The following APP variants were observed in gnomAD, a reference collection of about 807,000 sequenced individuals.
APP encodes the protein amyloid-beta precursor protein.
APP carries 31 observed loss-of-function variants against 101.4 expected under a neutral mutation model. The observed-to-expected ratio is 0.31, with a 90% CI of 0.23 to 0.41. The LOEUF is 0.41. APP is among the 10% of genes least tolerant of loss of function. The probability of loss-of-function intolerance (pLI) is 1.00; values close to 1 mark genes in which losing one functional copy is unlikely to be tolerated. For missense variants in APP, 839 were observed against 1,003.7 expected (o/e 0.84, Z 2.22); for synonymous variants, 366 against 364.4 (o/e 1.00, Z -0.05).
chr21:26,154,148 G>T (rs2063330452), intron 1 of APP, among the ~76,000 whole-genome samples: 1 of 152,200 alleles, frequency 6.6e-6, no homozygotes, highest in Admixed American at 6.5e-5. Context: ...GTGTAACTGG[G>T]TAAGAACTAT....
At chr21:26,026,043 A>G (rs768746163) in intron 5 of APP, among the ~76,000 whole-genome samples, 1 of 152,272 alleles carries the variant, frequency 6.6e-6, no homozygotes, top group East Asian at 1.9e-4. Context: ...AATGCTGGAC[A>G]GACTGTTGTC....
intron 3 of APP, among the ~76,000 whole-genome samples, chr21:26,076,664 G>A (rs1234528451): frequency 6.6e-6 from 1 of 152,160 alleles, no homozygotes; most frequent in Non-Finnish European, 1.5e-5. Context: ...GTGAAGTTGA[G>A]ATATAGCATA....
rs111355056 is a variant in APP, at chr21:25,955,492, C to G, written c.1587+135G>C. ...TCTAAGACAAGCTTTTAGAATTTACCAGAAGTTAAAGAGCTCTTGCCATAG... is the reference window on the plus strand; with the variant it reads ...TCTAAGACAAGCTTTTAGAATTTACGAGAAGTTAAAGAGCTCTTGCCATAG... On this transcript the variant is annotated intron_variant, in intron 12 of 17. Coordinates refer to ENST00000346798, the MANE Select transcript of APP (RefSeq NM_000484.4). The G allele has an allele frequency of 9.4e-6, 12 of 1,273,104 alleles. No individual in the cohort carries two copies. The African/African-American group carries it at 1.3e-4, about 14-fold the overall frequency. 78.9% of individuals were successfully genotyped at this position (1,273,104 alleles called of 1,614,324 possible). A position where few individuals can be genotyped will look rare whatever the true frequency, so the allele number is the denominator to read the frequency against.
intron 6 of APP, among the ~76,000 whole-genome samples, chr21:26,010,609 A>C (rs1296806260): frequency 1.3e-5 from 2 of 151,962 alleles, no homozygotes; most frequent in Admixed American, 6.6e-5. Flanking sequence ...CAGCAGTTCA[A>C]GATCAGCCTG....
chr21:25,917,575 T>C (rs768981136), intron 13 of APP, among the ~76,000 whole-genome samples: 9 of 152,168 alleles, frequency 5.9e-5, no homozygotes, highest in Non-Finnish European at 8.8e-5. Context: ...CATCTTACGA[T>C]TAAAGAAAAT....
chr21:25,950,329 G>GA (rs1183893546), intron 13 of APP, among the ~76,000 whole-genome samples: 1 of 151,030 alleles, frequency 6.6e-6, no homozygotes, highest in Non-Finnish European at 1.5e-5. Context: ...CTTGAATCTT[G>GA]AAAGGTGCAA....
At chr21:25,904,299 T>C (rs2038670404) in intron 15 of APP, among the ~76,000 whole-genome samples, 1 of 152,206 alleles carries the variant, frequency 6.6e-6, no homozygotes, top group Non-Finnish European at 1.5e-5. Flanking sequence ...TGCTGTGCTA[T>C]GACATTATTC....
chr21:26,013,529 T>A (rs2043914329), intron 6 of APP, among the ~76,000 whole-genome samples: 1 of 151,840 alleles, frequency 6.6e-6, no homozygotes, highest in South Asian at 2.1e-4. Flanking sequence ...TGAGAAAGAC[T>A]AATATTCTTT....
intron 8 of APP, among the ~76,000 whole-genome samples, chr21:25,989,126 G>A (rs952913449): frequency 6.6e-6 from 1 of 152,146 alleles, no homozygotes; most frequent in African/African-American, 2.4e-5. Context: ...CCATACCTGT[G>A]TTTCCTCTGA....
At chr21:25,961,595 T>C (rs948569351) in intron 11 of APP, among the ~76,000 whole-genome samples, 1 of 152,238 alleles carries the variant, frequency 6.6e-6, no homozygotes, top group African/African-American at 2.4e-5. Flanking sequence ...GGCTTAACAT[T>C]TGTTATTTCT....
chr21:25,926,936 G>A (rs937030751), intron 13 of APP, among the ~76,000 whole-genome samples: 2 of 148,546 alleles, frequency 1.3e-5, no homozygotes, highest in African/African-American at 5.0e-5. Flanking sequence ...CCCGGAGGCG[G>A]AGCTTGCAGT....
Position 25,881,545 on chromosome 21 carries a change from A to G in APP, c.*125T>C. The G allele has an allele frequency of 9.2e-7, 1 of 1,089,222 alleles. No individual in the cohort carries two copies. The highest frequency in any genetic ancestry group is 1.3e-5 in the South Asian group (1 of 79,294). The allele number at this position is 1,089,222 out of a possible 1,614,324, so 67.5% of individuals were successfully genotyped here. ...TACTTGTGTTACAGCACAGCTGTCA[A>G]AAGGCGATAATGAGTAAATCATAAA... On this transcript the variant is annotated 3_prime_UTR_variant, in exon 18 of 18. Coordinates refer to ENST00000346798, the MANE Select transcript of APP (RefSeq NM_000484.4).
chr21:26,152,190 C>A (rs192071548), intron 1 of APP, among the ~76,000 whole-genome samples: 1 of 142,830 alleles, frequency 7.0e-6, no homozygotes, highest in Non-Finnish European at 1.5e-5. Flanking sequence ...GAGGCTGAGG[C>A]GGGAGAATGG....
rs138930644 is a variant in APP at position 25,945,094 on chromosome 21, T to C, written c.1687+9496A>G. Among the ~76,000 whole-genome samples, 589 of 152,226 alleles carry C rather than the reference T, an allele frequency of 3.9e-3. 2 individuals are homozygous for C. Among genetic ancestry groups the C allele is most frequent in the African/African-American group, 0.014 (568 of 41,550 alleles). ...CCACACATGCACAAAAATAAAAGAA[T>C]GGCATAAAAACAGACAAAAACTACT... On this transcript the variant is annotated intron_variant, in intron 13 of 17. Coordinates refer to ENST00000346798, the MANE Select transcript of APP (RefSeq NM_000484.4).
chr21:26,011,123 T>G (rs1299508521), intron 6 of APP, among the ~76,000 whole-genome samples: 1 of 152,124 alleles, frequency 6.6e-6, no homozygotes, highest in Non-Finnish European at 1.5e-5. Context: ...CTGCCGAGAC[T>G]GGAGTGCAAT....
At chr21:25,886,570 T>C (rs944620396) in intron 17 of APP, among the ~76,000 whole-genome samples, 1 of 152,092 alleles carries the variant, frequency 6.6e-6, no homozygotes, top group African/African-American at 2.4e-5. Context: ...ATTTTTTGTA[T>C]TTTTATTAGA....
At chr21:25,946,007 G>A (rs924448160) in intron 13 of APP, 4 of 423,870 alleles carry the variant, frequency 9.4e-6, no homozygotes, top group African/African-American at 8.2e-5. Context: ...AACAAATGGT[G>A]CTGGGACACT....
At chr21:26,126,463 C>G (rs2062686840) in intron 1 of APP, among the ~76,000 whole-genome samples, 1 of 152,186 alleles carries the variant, frequency 6.6e-6, no homozygotes, top group Non-Finnish European at 1.5e-5. Flanking sequence ...TTTACCCTGA[C>G]ACTAGTCTCA....
chr21:26,160,381 A>G (rs977859661), intron 1 of APP, among the ~76,000 whole-genome samples: 1 of 152,112 alleles, frequency 6.6e-6, no homozygotes, highest in African/African-American at 2.4e-5. Flanking sequence ...TTGCATTTAA[A>G]TTTTCTGGAT....
Sources: allele counts gnomAD v4.1 joint callset (sites outside exome capture counted in the v4.1 genomes callset), GRCh38; gene constraint gnomAD v4.1.1; transcripts MANE v1.5; gene names NCBI Gene and HGNC (gene_info 2026-07-23, HGNC 2026-07-21).